SEMA5A: variants seen among roughly 807,000 people sequenced by gnomAD.
SEMA5A encodes the protein semaphorin 5A.
Under a neutral mutation model 135.5 loss-of-function variants are expected in SEMA5A, and 55 were observed. That is an observed-to-expected ratio of 0.41 (90% CI 0.33 to 0.51). The LOEUF is 0.51. Among genes scored for constraint, SEMA5A ranks in the 20% least tolerant of loss-of-function variants. The pLI is 0.37. For synonymous variants in SEMA5A, 580 were observed against 546.5 expected, an observed-to-expected ratio of 1.06 and a Z score of -0.85; for missense variants, 1,290 against 1,419.9, an observed-to-expected ratio of 0.91 and a Z score of 1.47.
chr5:9,344,939 C>T (rs1396460957), intron 3 of SEMA5A, among the ~76,000 whole-genome samples: 8 of 152,124 alleles, frequency 5.3e-5, no homozygotes, highest in Non-Finnish European at 1.0e-4. Context: ...CAAGGCTATG[C>T]ATGTGCAGTG....
chr5:9,352,288 T>G (rs1424818132), intron 3 of SEMA5A, among the ~76,000 whole-genome samples: 1 of 152,160 alleles, frequency 6.6e-6, no homozygotes, highest in African/African-American at 2.4e-5. Flanking sequence ...ACACTACCAA[T>G]CTGATATATC....
chr5:9,216,033 T>C (rs2150397173), intron 8 of SEMA5A, among the ~76,000 whole-genome samples: 1 of 152,268 alleles, frequency 6.6e-6, no homozygotes, highest in Non-Finnish European at 1.5e-5. Flanking sequence ...TCTTCTAGCT[T>C]TGGGGTTGAT....
intron 8 of SEMA5A, among the ~76,000 whole-genome samples, chr5:9,202,914 T>A (rs1196864917): frequency 1.3e-5 from 2 of 152,010 alleles, no homozygotes; most frequent in Non-Finnish European, 1.5e-5. Flanking sequence ...GAGGGAAGAG[T>A]ATGGGGATGG....
chr5:9,254,080 A>G (rs1748937455), intron 5 of SEMA5A, among the ~76,000 whole-genome samples: 1 of 152,186 alleles, frequency 6.6e-6, no homozygotes, highest in Non-Finnish European at 1.5e-5. Context: ...CTACCAAGAA[A>G]ATGCCACAAA....
At chr5:9,089,659 G>C (rs1462334721) in intron 16 of SEMA5A, among the ~76,000 whole-genome samples, 1 of 152,138 alleles carries the variant, frequency 6.6e-6, no homozygotes, top group African/African-American at 2.4e-5. Context: ...GTGATCTCCA[G>C]TACAATATGG....
chr5:9,488,801 G>T (rs10513020), intron 1 of SEMA5A, among the ~76,000 whole-genome samples: 3,231 of 152,210 alleles, frequency 0.021, 45 homozygotes, highest in Middle Eastern at 0.044. Flanking sequence ...CCACCATAAG[G>T]TTCAAAGATT....
chr5:9,086,843 C>A (rs1446731024), intron 16 of SEMA5A, among the ~76,000 whole-genome samples: 3 of 152,140 alleles, frequency 2.0e-5, no homozygotes, highest in Non-Finnish European at 4.4e-5. Flanking sequence ...TAATTTATTT[C>A]TTGGGGTTAT....
chr5:9,051,801 G>C (rs1736591416), intron 20 of SEMA5A, 72 bp downstream of exon 20: 1 of 1,583,154 alleles, frequency 6.3e-7, no homozygotes, highest in African/African-American at 1.3e-5. Flanking sequence ...ATAAAACTCT[G>C]ACCTATGAAT....
chr5:9,057,819 C>T (rs569795748), intron 18 of SEMA5A, among the ~76,000 whole-genome samples: 6 of 152,322 alleles, frequency 3.9e-5, no homozygotes, highest in South Asian at 2.1e-4. Context: ...AATTCTAATG[C>T]GGTGCTTGCT....
chr5:9,210,835 A>T, intron 8 of SEMA5A, among the ~76,000 whole-genome samples: 1 of 152,186 alleles, frequency 6.6e-6, no homozygotes, highest in Admixed American at 6.5e-5. Context: ...CCATCTACCT[A>T]GCATATTGTA....
At chr5:9,328,501 G>A (rs3777328) in intron 4 of SEMA5A, among the ~76,000 whole-genome samples, 24,876 of 152,104 alleles carry the variant, frequency 0.16, 2,343 homozygotes, top group African/African-American at 0.25. Context: ...GATTCTGGCC[G>A]GGCACAGTGG....
chr5:9,318,148 A>G (rs1016888441), intron 5 of SEMA5A, among the ~76,000 whole-genome samples: 2 of 152,180 alleles, frequency 1.3e-5, no homozygotes, highest in Non-Finnish European at 2.9e-5. Context: ...ACATCCACGG[A>G]ACAAACAGGG....
intron 5 of SEMA5A, among the ~76,000 whole-genome samples, chr5:9,295,730 G>C (rs866628789): frequency 6.6e-6 from 1 of 152,096 alleles, no homozygotes; most frequent in African/African-American, 2.4e-5. Context: ...TATAAGCACT[G>C]ATAAGATTAA....
At chr5:9,392,773 G>A (rs1283053035) in intron 2 of SEMA5A, among the ~76,000 whole-genome samples, 1 of 152,182 alleles carries the variant, frequency 6.6e-6, no homozygotes, top group Middle Eastern at 3.2e-3. Context: ...CTAGGCAGTG[G>A]AAAGGCCAGA....
intron 3 of SEMA5A, among the ~76,000 whole-genome samples, chr5:9,365,757 G>C (rs552700516): frequency 2.0e-5 from 3 of 152,246 alleles, no homozygotes; most frequent in Non-Finnish European, 4.4e-5. Flanking sequence ...GTAAGATTTG[G>C]CTTTTGTTGT....
chr5:9,182,550 A>AT (rs1286523982), intron 11 of SEMA5A, among the ~76,000 whole-genome samples: 1 of 151,962 alleles, frequency 6.6e-6, no homozygotes, highest in Non-Finnish European at 1.5e-5. Context: ...TAAAAATAAG[A>AT]TTTTTTGTCC....
chr5:9,533,377 T>C (rs1490116196), intron 1 of SEMA5A, among the ~76,000 whole-genome samples: 1 of 152,242 alleles, frequency 6.6e-6, no homozygotes, highest in Non-Finnish European at 1.5e-5. Flanking sequence ...ATAAGATTTT[T>C]AAAATAGACC....
chr5:9,282,862 G>T (rs1295932535), intron 5 of SEMA5A, among the ~76,000 whole-genome samples: 2 of 152,072 alleles, frequency 1.3e-5, no homozygotes, highest in African/African-American at 2.4e-5. Flanking sequence ...ATGGCAAGGG[G>T]GAAAGTTTAG....
chr5:9,062,978 A>G lies in SEMA5A; in HGVS notation c.2427T>C (p.Arg809=). ...ACTTGGGTTCGGGGTTGTTGCAAACACGCTTCCGGTTCCGAATGCCCCTGC... is the reference window on the plus strand; with the variant it reads ...ACTTGGGTTCGGGGTTGTTGCAAACGCGCTTCCGGTTCCGAATGCCCCTGC... ...DCSRGIRNRK[R]VCNNPEPKYG... Residue 809 remains arginine, a synonymous_variant, in exon 18 of 23, where the codon CGT becomes CGC. Coordinates refer to ENST00000382496, the MANE Select transcript of SEMA5A (RefSeq NM_003966.3). The G allele has an allele frequency of 6.2e-7, 1 of 1,614,238 alleles. No homozygotes were observed. Among genetic ancestry groups the G allele is most frequent in the South Asian group, 1.1e-5 (1 of 91,088 alleles).
Sources: allele counts gnomAD v4.1 joint callset (sites outside exome capture counted in the v4.1 genomes callset), GRCh38; gene constraint gnomAD v4.1.1; transcripts MANE v1.5; gene names NCBI Gene and HGNC (gene_info 2026-07-23, HGNC 2026-07-21).